PAK5: variants seen among roughly 807,000 people sequenced by gnomAD.
The protein encoded by PAK5 is serine/threonine-protein kinase PAK 5.
In PAK5, 16 loss-of-function variants were observed where a neutral mutation model predicts 65.9. That is an observed-to-expected ratio of 0.24 (90% CI 0.16 to 0.37). The LOEUF is 0.37. PAK5 is among the 10% of genes least tolerant of loss of function. The pLI is 1.00. For synonymous variants in PAK5, 371 were observed against 354.9 expected, an observed-to-expected ratio of 1.05 and a Z score of -0.51; for missense variants, 785 against 903.9, an observed-to-expected ratio of 0.87 and a Z score of 1.69.
intron 2 of PAK5, among the ~76,000 whole-genome samples, chr20:9,689,885 T>C (rs1600245827): frequency 1.3e-5 from 2 of 152,306 alleles, no homozygotes; most frequent in African/African-American, 2.4e-5. Context: ...TCTGGGTCAT[T>C]CTGAGGCACA....
chr20:9,737,229 A>T (rs1056867120), intron 1 of PAK5, among the ~76,000 whole-genome samples: 1 of 152,200 alleles, frequency 6.6e-6, no homozygotes, highest in African/African-American at 2.4e-5. Context: ...AGATTGGATA[A>T]AAAAGCAAGA....
Position 9,580,449 on chromosome 20 carries a change from T to C in PAK5, c.686A>G (p.Asp229Gly). ...YQRASSSSPL[D>G]YSFQFTPSRT... ...AGAAGGTGTGAATTGGAATGAATAA[T>C]CCAGAGGGGAGCTACTCGAGGCTCT... The change falls in exon 4 of 10, where the codon GAT becomes GGT. Residue 229 changes from aspartate to glycine, a missense_variant. Around this residue, in one of 4 missense-constraint regions of PAK5, gnomAD observed 422 missense variants for 413.3 expected, o/e 1.02. Transcript: ENST00000353224. The C allele has an allele frequency of 6.2e-7, 1 of 1,614,046 alleles. No individual in the cohort carries two copies. Among genetic ancestry groups the C allele is most frequent in the South Asian group, 1.1e-5 (1 of 91,068 alleles).
chr20:9,582,972 T>C (rs1194141225), intron 3 of PAK5, among the ~76,000 whole-genome samples: 1 of 152,162 alleles, frequency 6.6e-6, no homozygotes, highest in East Asian at 1.9e-4. Flanking sequence ...CCTTACTTTC[T>C]GTCCCTACAA....
chr20:9,752,459 G>T (rs773077367), intron 1 of PAK5, among the ~76,000 whole-genome samples: 8 of 152,098 alleles, frequency 5.3e-5, no homozygotes, highest in Non-Finnish European at 1.0e-4. Flanking sequence ...ATAAGTTACG[G>T]AGTTACTGTG....
At chr20:9,548,688 T>C (rs2045381855) in intron 7 of PAK5, among the ~76,000 whole-genome samples, 1 of 152,148 alleles carries the variant, frequency 6.6e-6, no homozygotes, top group Non-Finnish European at 1.5e-5. Flanking sequence ...CTGACACACA[T>C]ACATAATAGT....
rs777030194 is a variant in PAK5, at chr20:9,580,493, G to A, written c.642C>T (p.Asp214=). 1 of 1,614,108 alleles carries A rather than the reference G, an allele frequency of 6.2e-7. No homozygotes were observed. Among genetic ancestry groups the A allele is most frequent in the Admixed American group, 1.7e-5 (1 of 60,020 alleles). ...AGGCTCTCTGATACTCCCACTTGAGGTCACTGTATTCACTTGGTTTGCTCA... is the reference window on the plus strand; with the variant it reads ...AGGCTCTCTGATACTCCCACTTGAGATCACTGTATTCACTTGGTTTGCTCA... ...DSLSKPSEYS[D]LKWEYQRASS... is the part of the protein sequence containing the mutation. Residue 214 remains aspartate, a synonymous_variant, in exon 4 of 10, where the codon GAC becomes GAT. Transcript: ENST00000353224.
intron 4 of PAK5, among the ~76,000 whole-genome samples, chr20:9,571,968 C>T (rs1173016823): frequency 6.6e-6 from 1 of 151,038 alleles, no homozygotes; most frequent in African/African-American, 2.4e-5. Flanking sequence ...TCACTGGGGG[C>T]CCAGATGTTT....
At chr20:9,634,708 A>G (rs2046963225) in intron 3 of PAK5, among the ~76,000 whole-genome samples, 1 of 151,982 alleles carries the variant, frequency 6.6e-6, no homozygotes, top group Admixed American at 6.6e-5. Flanking sequence ...TTGGTTTTGG[A>G]TTTCTTCTTT....
At chr20:9,607,665 T>G (rs747464858) in intron 3 of PAK5, among the ~76,000 whole-genome samples, 25 of 151,842 alleles carry the variant, frequency 1.6e-4, no homozygotes, top group Non-Finnish European at 2.8e-4. Context: ...AAAAAATATT[T>G]TAAAAAATTA....
At chr20:9,794,094 G>A (rs6056882) in intron 1 of PAK5, among the ~76,000 whole-genome samples, 15,315 of 151,214 alleles carry the variant, frequency 0.1, 1,478 homozygotes, top group African/African-American at 0.24. Context: ...AGCAAACACC[G>A]CATGTTCTCA....
At chr20:9,620,567 G>C (rs1040799037) in intron 3 of PAK5, among the ~76,000 whole-genome samples, 11 of 152,312 alleles carry the variant, frequency 7.2e-5, no homozygotes, top group Non-Finnish European at 1.3e-4. Flanking sequence ...TGGGGAAGAG[G>C]TTGCGCTCTA....
chr20:9,648,555 T>C (rs1438334844), intron 2 of PAK5, among the ~76,000 whole-genome samples: 1 of 152,032 alleles, frequency 6.6e-6, no homozygotes, highest in African/African-American at 2.4e-5. Flanking sequence ...AAAATCCAAG[T>C]TCCCAGATGC....
At chr20:9,579,082 G>T (rs1200545651) in intron 4 of PAK5, among the ~76,000 whole-genome samples, 2 of 152,144 alleles carry the variant, frequency 1.3e-5, no homozygotes, top group African/African-American at 4.8e-5. Context: ...AGAAGCAAAG[G>T]AAAAATATCG....
At chr20:9,805,813 G>C (rs187187528) in intron 1 of PAK5, among the ~76,000 whole-genome samples, 2 of 152,278 alleles carry the variant, frequency 1.3e-5, no homozygotes, top group East Asian at 3.9e-4. Context: ...ATTAGATAGT[G>C]GTGTTGGTTG....
intron 1 of PAK5, among the ~76,000 whole-genome samples, chr20:9,811,680 C>G (rs189900271): frequency 6.6e-6 from 1 of 152,254 alleles, no homozygotes; most frequent in African/African-American, 2.4e-5. Flanking sequence ...ATTATGTAGT[C>G]CAGCACTTGA....
chr20:9,685,924 T>C (rs550753128), intron 2 of PAK5, among the ~76,000 whole-genome samples: 7 of 152,312 alleles, frequency 4.6e-5, no homozygotes, highest in African/African-American at 1.4e-4. Context: ...AAAAAAATTA[T>C]CATGTTGGAG....
rs182270665 is a variant in PAK5 at position 9,706,553 on chromosome 20, A to G, written c.-12+4733T>C. On this transcript the variant is annotated intron_variant, in intron 2 of 9. Coordinates refer to ENST00000353224, the MANE Select transcript of PAK5 (RefSeq NM_177990.4). ...GAGTGCAGCAGTGCAATCCTGGCTCACTGAAACCTCTGCCTCCCAGGCTCA... is the reference window on the plus strand; with the variant it reads ...GAGTGCAGCAGTGCAATCCTGGCTCGCTGAAACCTCTGCCTCCCAGGCTCA... Among the ~76,000 whole-genome samples the G allele has an allele frequency of 2.1e-3, 319 of 149,850 alleles. 1 individual carries two copies. Among genetic ancestry groups the G allele is most frequent in the African/African-American group, 7.8e-3 (317 of 40,428 alleles).
intron 1 of PAK5, among the ~76,000 whole-genome samples, chr20:9,814,511 A>G (rs888026910): frequency 5.9e-5 from 9 of 152,198 alleles, no homozygotes; most frequent in African/African-American, 1.9e-4. Context: ...TGAGAAAGAA[A>G]AAAGAGTTGC....
intron 2 of PAK5, among the ~76,000 whole-genome samples, chr20:9,651,610 G>A (rs551806194): frequency 6.6e-6 from 1 of 152,142 alleles, no homozygotes; most frequent in Non-Finnish European, 1.5e-5. Flanking sequence ...AATAAAAATT[G>A]GTTAAAATGG....
Sources: allele counts gnomAD v4.1 joint callset (sites outside exome capture counted in the v4.1 genomes callset), GRCh38; gene constraint gnomAD v4.1.1; regional missense constraint gnomAD v4.1.1; transcripts MANE v1.5; gene names NCBI Gene and HGNC (gene_info 2026-07-23, HGNC 2026-07-21).